The following CHRM5 variants were observed in gnomAD, a reference collection of about 807,000 sequenced individuals.
CHRM5 encodes the protein cholinergic receptor muscarinic 5.
CHRM5 carries 18 observed loss-of-function variants against 39.0 expected under a neutral mutation model. That is an observed-to-expected ratio of 0.46 (90% CI 0.32 to 0.68). The LOEUF (loss-of-function observed/expected upper bound fraction) is 0.68, where lower values mean the gene tolerates loss of function less well. CHRM5 is among the 30% of genes least tolerant of loss of function. The pLI is 0.04. For synonymous variants in CHRM5, 241 were observed against 246.3 expected, an observed-to-expected ratio of 0.98 and a Z score of 0.20; for missense variants, 515 against 651.1, an observed-to-expected ratio of 0.79 and a Z score of 2.28.
chr15:34,039,182 T>C, intron 1 of CHRM5: 1 of 757,568 alleles, frequency 1.3e-6, no homozygotes, highest in Non-Finnish European at 1.6e-6. Context: ...GGTGCGGGGC[T>C]AGGGATCGAG....
chr15:34,023,611 G>A (rs1203645940), intron 1 of CHRM5, among the ~76,000 whole-genome samples: 1 of 152,038 alleles, frequency 6.6e-6, no homozygotes, highest in African/African-American at 2.4e-5. Flanking sequence ...AACAAAAGAT[G>A]GAAGAAAATA....
At chr15:34,025,772 T>G (rs1449997082) in intron 1 of CHRM5, among the ~76,000 whole-genome samples, 11 of 151,850 alleles carry the variant, frequency 7.2e-5, no homozygotes, top group African/African-American at 2.7e-4. Context: ...GTGTGTGTGT[T>G]TGTGTGTGTG....
At chr15:34,039,261 G>C (rs946136928) in intron 1 of CHRM5, 10 of 211,142 alleles carry the variant, frequency 4.7e-5, no homozygotes, top group African/African-American at 2.4e-4. Context: ...AACCGGGACC[G>C]CGGGAAGGCC....
intron 1 of CHRM5, among the ~76,000 whole-genome samples, chr15:34,024,837 G>A (rs1318584712): frequency 4.0e-5 from 6 of 150,520 alleles, no homozygotes; most frequent in Non-Finnish European, 1.5e-5. Context: ...CTCCAGCCTG[G>A]GCGACAAAGC....
chr15:34,021,335 G>T (rs1898191899), intron 1 of CHRM5, among the ~76,000 whole-genome samples: 2 of 151,618 alleles, frequency 1.3e-5, no homozygotes, highest in African/African-American at 4.8e-5. Flanking sequence ...GCCCAGACTG[G>T]AGTACAATGG....
chr15:34,051,814 C>T (rs1017833546), intron 2 of CHRM5, among the ~76,000 whole-genome samples: 1 of 151,606 alleles, frequency 6.6e-6, no homozygotes, highest in Non-Finnish European at 1.5e-5. Flanking sequence ...CTTAATAGAC[C>T]AATAATGAGT....
At chr15:34,038,774 T>G in intron 1 of CHRM5, 1 of 1,172,568 alleles carries the variant, frequency 8.5e-7, no homozygotes, top group Non-Finnish European at 1.1e-6. Flanking sequence ...AGCCGTCGCC[T>G]CTTACCGGCG....
At chr15:34,018,184 G>A (rs913104048) in intron 1 of CHRM5, 1 of 152,230 alleles carries the variant, frequency 6.6e-6, no homozygotes, top group Non-Finnish European at 1.5e-5. Context: ...TGTTACATAG[G>A]AGATGACAGC....
chr15:34,063,404 C>T lies in CHRM5; in HGVS notation c.687C>T (p.Asp229=). ...ETEKRTKDLA[D]LQGSDSVTKA... The stretch of plus-strand genomic sequence containing the variant: ...AGAAGCGAACCAAGGACCTGGCTGA[C>T]CTCCAGGGTTCTGACTCTGTGACCA... Residue 229 remains aspartate, a synonymous_variant, in exon 3 of 3, where the codon GAC becomes GAT. Transcript: ENST00000383263. The surrounding 1 kb of genome is among the most constrained non-coding windows in gnomAD (Gnocchi z 4.1). The T allele has an allele frequency of 6.2e-7, 1 of 1,614,032 alleles. No homozygotes were observed. The highest frequency in any genetic ancestry group is 1.1e-5 in the South Asian group (1 of 91,086).
chr15:33,987,632 A>C (rs1463468287), intron 1 of CHRM5, among the ~76,000 whole-genome samples: 1 of 152,204 alleles, frequency 6.6e-6, no homozygotes, highest in Non-Finnish European at 1.5e-5. Context: ...CACTGAGGTC[A>C]AGGCTGCTGC....
chr15:34,058,555 A>AACACACACACACAC (rs3027963), intron 2 of CHRM5, among the ~76,000 whole-genome samples: 139 of 143,282 alleles, frequency 9.7e-4, no homozygotes, highest in East Asian at 3.8e-3. Context: ...CTTTAATTCT[A>AACACACACACACAC]ACACACACAC....
intron 1 of CHRM5, among the ~76,000 whole-genome samples, chr15:33,980,287 CT>C (rs5811808): frequency 0.81 from 123,452 of 152,168 alleles, 54,963 homozygotes; most frequent in Non-Finnish European, 0.98. Flanking sequence ...TTAATAACAT[CT>C]TTTTGTCAGC....
chr15:34,032,269 G>C (rs1597373204), intron 1 of CHRM5, among the ~76,000 whole-genome samples: 6 of 152,236 alleles, frequency 3.9e-5, no homozygotes, highest in African/African-American at 1.4e-4. Context: ...GGTGTGGTTA[G>C]GATCAAATGA....
chr15:34,047,398 C>T (rs1045408911), intron 2 of CHRM5, among the ~76,000 whole-genome samples: 42 of 152,110 alleles, frequency 2.8e-4, no homozygotes, highest in African/African-American at 9.7e-4. Flanking sequence ...GTTTTACATA[C>T]TCCAACGCTG....
At chr15:33,983,163 T>TGTGTGTGTATATATACACAC (rs1445321482) in intron 1 of CHRM5, among the ~76,000 whole-genome samples, 1 of 122,568 alleles carries the variant, frequency 8.2e-6, no homozygotes, top group Non-Finnish European at 1.6e-5. Context: ...TGTGTGTATG[T>TGTGTGTGTATATATACACAC]GTGTGTGTAT....
intron 1 of CHRM5, among the ~76,000 whole-genome samples, chr15:33,985,572 A>C (rs1225485117): frequency 6.6e-6 from 1 of 152,020 alleles, no homozygotes; most frequent in Non-Finnish European, 1.5e-5. Context: ...CATTCTTGAC[A>C]TACCCATCAG....
intron 2 of CHRM5, among the ~76,000 whole-genome samples, chr15:34,058,682 T>C (rs1318115997): frequency 1.3e-5 from 2 of 152,166 alleles, no homozygotes; most frequent in Non-Finnish European, 2.9e-5. Context: ...TTGCTTCTGC[T>C]TTCTTCAGGC....
At chr15:33,993,527 C>T (rs1246575104) in intron 1 of CHRM5, among the ~76,000 whole-genome samples, 1 of 152,092 alleles carries the variant, frequency 6.6e-6, no homozygotes, top group Non-Finnish European at 1.5e-5. Context: ...AAAATGGTTC[C>T]CACCTCTATG....
intron 1 of CHRM5, among the ~76,000 whole-genome samples, chr15:34,042,430 C>T (rs923584856): frequency 1.7e-5 from 2 of 114,408 alleles, no homozygotes; most frequent in Admixed American, 1.1e-4. Flanking sequence ...GACGGAGTTT[C>T]GCACTTGTTG....
Sources: allele counts gnomAD v4.1 joint callset (sites outside exome capture counted in the v4.1 genomes callset), GRCh38; gene constraint gnomAD v4.1.1; non-coding constraint Gnocchi (gnomAD v3.1); transcripts MANE v1.5; gene names NCBI Gene and HGNC (gene_info 2026-07-23, HGNC 2026-07-21).